Variants in HECTD3 observed in about 807,000 individuals in gnomAD.
HECTD3 encodes the protein HECT domain E3 ubiquitin protein ligase 3.
A neutral mutation model predicts 109.3 loss-of-function variants in HECTD3; 72 were observed. The ratio of observed to expected loss-of-function variants is 0.66; its 90% confidence interval spans 0.54 to 0.80. The LOEUF (loss-of-function observed/expected upper bound fraction) is 0.80, where lower values mean the gene tolerates loss of function less well. Among genes scored for constraint, HECTD3 ranks in the 30% least tolerant of loss-of-function variants. The pLI, the probability that HECTD3 is intolerant of heterozygous loss-of-function variation, is 0.00. For missense variants in HECTD3, 1,041 were observed against 1,165.2 expected, an observed-to-expected ratio of 0.89 and a Z score of 1.55; for synonymous variants, 481 against 471.8, an observed-to-expected ratio of 1.02 and a Z score of -0.25.
chr1:45,006,052 T>C lies in HECTD3; in HGVS notation c.1790A>G (p.Lys597Arg), dbSNP rs769822423. The C allele has an allele frequency of 6.2e-7, 1 of 1,614,178 alleles. No individual in the cohort carries two copies. The highest frequency in any genetic ancestry group is 1.1e-5 in the South Asian group (1 of 91,086). Residue 597 changes from lysine to arginine, a missense_variant, in exon 14 of 21, where the codon AAG (lysine) becomes AGG (arginine). Around this residue, in one of 2 missense-constraint regions of HECTD3, gnomAD observed 569 missense variants for 715.3 expected, o/e 0.80. Coordinates refer to ENST00000372172, the MANE Select transcript of HECTD3 (RefSeq NM_024602.6). This position sits in a 1 kb window ranked among gnomAD's most constrained non-coding sequence, Gnocchi z 4.7. ...VPNPSCRDFA[K>R]YEWIGQLMGA... ...CATCAGCTGTCCGATCCATTCATAC[T>C]TGGCAAAGTCTCGGCAGGAGGGGTT...
rs1267132479 is a variant in HECTD3, at chr1:45,002,560, T to C, written c.*932A>G. 6.6e-6 allele frequency: 1 copy of C among 152,236 alleles called. No individual in the cohort carries two copies. The highest frequency in any genetic ancestry group is 1.9e-4 in the East Asian group (1 of 5,202). The allele number at this position is 152,236 out of a possible 1,614,324, so 9.4% of individuals were successfully genotyped here. On this transcript the variant is annotated 3_prime_UTR_variant, in exon 21 of 21. Coordinates refer to ENST00000372172, the MANE Select transcript of HECTD3 (RefSeq NM_024602.6). The stretch of plus-strand genomic sequence containing the variant: ...CATTCTGAAGGAATGAATTCATCCA[T>C]TTATTCAACTTTCCGGTATGCAAGA...
Position 45,003,172 on chromosome 1 carries a change from T to C in HECTD3, c.*320A>G. The C allele has an allele frequency of 6.2e-6, 2 of 324,874 alleles. No individual in the cohort carries two copies. Among genetic ancestry groups the C allele is most frequent in the South Asian group, 5.4e-5 (1 of 18,438 alleles). The allele number at this position is 324,874 out of a possible 1,614,324, so 20.1% of individuals were successfully genotyped here. On this transcript the variant is annotated 3_prime_UTR_variant, in exon 21 of 21. Transcript: ENST00000372172. This position sits in a 1 kb window ranked among gnomAD's most constrained non-coding sequence, Gnocchi z 4.7. ...GAGCTGAAAATGGAGGCAAAGTCCA[T>C]GGGTTGGGGACCTAGATGGCCCCCT...
chr1:45,011,002 A>G lies in HECTD3; in HGVS notation c.256T>C (p.Ser86Pro). 1 of 1,459,992 alleles carries G rather than the reference A, an allele frequency of 6.8e-7. No homozygotes were observed. Among genetic ancestry groups the G allele is most frequent in the Non-Finnish European group, 8.9e-7 (1 of 1,118,250 alleles). The allele number at this position is 1,459,992 out of a possible 1,614,324, so 90.4% of individuals were successfully genotyped here. A position where few individuals can be genotyped will look rare whatever the true frequency, so the allele number is the denominator to read the frequency against. ...GAAGPAPGTG[S>P]GPLRAARDSI... The stretch of plus-strand genomic sequence containing the variant: ...TCGCGGGCGGCGCGGAGGGGCCCGG[A>G]GCCGGTACCGGGGGCTGGGCCTGCG... Residue 86 changes from serine to proline, a missense_variant, in exon 1 of 21, where the codon TCC becomes CCC. Physicochemically the swap from Ser to Pro is moderately conservative, Grantham distance 74 (BLOSUM62 -1). Coordinates refer to ENST00000372172, the MANE Select transcript of HECTD3 (RefSeq NM_024602.6).
Position 45,003,145 on chromosome 1 carries a change from C to A in HECTD3, c.*347G>T, listed in dbSNP as rs756702805. On this transcript the variant is annotated 3_prime_UTR_variant, in exon 21 of 21. Transcript: ENST00000372172. This position sits in a 1 kb window ranked among gnomAD's most constrained non-coding sequence, Gnocchi z 4.7. Reference sequence around the variant, plus strand: ...CAGAGAGAAAATAGGAGAAAAAAGGCGGAGCTGAAAATGGAGGCAAAGTCC... The same window carrying A: ...CAGAGAGAAAATAGGAGAAAAAAGGAGGAGCTGAAAATGGAGGCAAAGTCC... 2 of 251,774 alleles carry A rather than the reference C, an allele frequency of 7.9e-6. No homozygotes were observed. The highest frequency in any genetic ancestry group is 7.8e-5 in the East Asian group (1 of 12,762). The allele number at this position is 251,774 out of a possible 1,614,324, so 15.6% of individuals were successfully genotyped here. A position where few individuals can be genotyped will look rare whatever the true frequency, so the allele number is the denominator to read the frequency against.
Position 45,004,702 on chromosome 1 carries a change from C to T in HECTD3, c.2040G>A (p.Val680=), listed in dbSNP as rs1644720004. 2 of 1,614,132 alleles carry T rather than the reference C, an allele frequency of 1.2e-6. No individual in the cohort carries two copies. Among genetic ancestry groups the T allele is most frequent in the Non-Finnish European group, 1.7e-6 (2 of 1,180,048 alleles). Residue 680 remains valine (V), a synonymous_variant, in exon 16 of 21, where the codon GTG becomes GTA. Transcript: ENST00000372172. ...FTTVLSDQQV[V]ELIPGGAGIV... ...TGCCTGCACCCCCAGGGATCAGCTC[C>T]ACCACCTGTTGGTCACTCAGTACAG...
chr1:45,010,347 A>G lies in HECTD3; in HGVS notation c.531-54T>C. The G allele has an allele frequency of 3.9e-6, 6 of 1,546,362 alleles. No homozygotes were observed. In the South Asian group the frequency reaches 6.7e-5, roughly 17 times the overall value. On this transcript the variant is annotated intron_variant, in intron 2 of 20. Transcript: ENST00000372172. Reference sequence around the variant, plus strand: ...GGGAGACATCAGCGGTCAGCAAGACACTACCTCCATGCCGTGTAGCCTTCT... The same window carrying G: ...GGGAGACATCAGCGGTCAGCAAGACGCTACCTCCATGCCGTGTAGCCTTCT...
Position 45,003,815 on chromosome 1 carries a change from A to G in HECTD3, c.2429+40T>C. 1.2e-6 allele frequency: 2 copies of G among 1,612,438 alleles called. No individual in the cohort carries two copies. Among genetic ancestry groups the G allele is most frequent in the Non-Finnish European group, 1.7e-6 (2 of 1,178,638 alleles). ...TACGTGTGTGGGGAGGGAGGACAGAAGGCGGCCATGGCACCTTCAGGCCTC... is the reference window on the plus strand; with the variant it reads ...TACGTGTGTGGGGAGGGAGGACAGAGGGCGGCCATGGCACCTTCAGGCCTC... On this transcript the variant is annotated intron_variant, in intron 19 of 20. Coordinates refer to ENST00000372172, the MANE Select transcript of HECTD3 (RefSeq NM_024602.6). The surrounding 1 kb of genome is among the most constrained non-coding windows in gnomAD (Gnocchi z 4.7).
rs1644741094 is a variant in HECTD3 at position 45,006,967 on chromosome 1, T to C, written c.1605A>G (p.Glu535=). 1 of 1,614,006 alleles carries C rather than the reference T, an allele frequency of 6.2e-7. No homozygotes were observed. The highest frequency in any genetic ancestry group is 1.1e-5 in the South Asian group (1 of 91,082). The change falls in exon 12 of 21, where the codon GAA becomes GAG. Residue 535 remains glutamate, a synonymous_variant. Transcript: ENST00000372172. This position sits in a 1 kb window ranked among gnomAD's most constrained non-coding sequence, Gnocchi z 4.7. ...DQWWECKFIA[E]GIIDQGGGFR... ...GGGCCTCACCTTGGTCAATGATGCCTTCTGCAATAAATTTACACTCCCACC... is the reference window on the plus strand; with the variant it reads ...GGGCCTCACCTTGGTCAATGATGCCCTCTGCAATAAATTTACACTCCCACC...
chr1:45,010,461 C>A (rs1569949212), intron 2 of HECTD3, 85 bp downstream of exon 2: 2 of 1,562,738 alleles, frequency 1.3e-6, no homozygotes, highest in Middle Eastern at 1.8e-4. Context: ...CAGTATCCCA[C>A]CCACCCCAGG....
chr1:45,007,196 A>C (rs1166589929), intron 11 of HECTD3, 23 bp downstream of exon 11: 2 of 1,603,932 alleles, frequency 1.2e-6, no homozygotes, highest in African/African-American at 2.7e-5. Flanking sequence ...GTCCCGAGTA[A>C]GTCCCTCACT....
rs1196860029 is a variant in HECTD3 at position 45,006,002 on chromosome 1, A to G, written c.1840T>C (p.Phe614Leu). 2 of 1,613,820 alleles carry G rather than the reference A, an allele frequency of 1.2e-6. No individual in the cohort carries two copies. Among genetic ancestry groups the G allele is most frequent in the Non-Finnish European group, 1.7e-6 (2 of 1,179,888 alleles). The change falls in exon 14 of 21, where the codon TTC (phenylalanine) becomes CTC (leucine). Residue 614 changes from phenylalanine (F) to leucine (L), a missense_variant. Transcript: ENST00000372172. This position sits in a 1 kb window ranked among gnomAD's most constrained non-coding sequence, Gnocchi z 4.7. ...LMGAALRGKEFLVLALPGFVW... is the reference protein window; with the variant it reads ...LMGAALRGKELLVLALPGFVW... Reference sequence around the variant, plus strand: ...GTGTGGATAAGGCTACTCACCAGGAACTCCTTACCCCGAAGGGCAGCCCCC... The same window carrying G: ...GTGTGGATAAGGCTACTCACCAGGAGCTCCTTACCCCGAAGGGCAGCCCCC...
Position 45,003,721 on chromosome 1 carries a change from G to A in HECTD3, c.2449C>T (p.Leu817=). 6.2e-7 allele frequency: 1 copy of A among 1,614,104 alleles called. No homozygotes were observed. Among genetic ancestry groups the A allele is most frequent in the Non-Finnish European group, 8.5e-7 (1 of 1,180,010 alleles). Residue 817 remains leucine (L), a synonymous_variant, in exon 20 of 21, where the codon CTG becomes TTG. Coordinates refer to ENST00000372172, the MANE Select transcript of HECTD3 (RefSeq NM_024602.6). The surrounding 1 kb of genome is among the most constrained non-coding windows in gnomAD (Gnocchi z 4.7). ...DKLGYETTDA[L]PESSTCSSTL... Reference sequence around the variant, plus strand: ...CTGGAGCAAGTGGAAGACTCGGGCAGCGCGTCTGTGGTCTCGTAGCTGGGG... The same window carrying A: ...CTGGAGCAAGTGGAAGACTCGGGCAACGCGTCTGTGGTCTCGTAGCTGGGG...
At position 45,006,917 on chromosome 1, in the gene HECTD3, G is replaced by A. The variant is rs780794907; in HGVS notation, c.1621+34C>T. On this transcript the variant is annotated intron_variant, in intron 12 of 20. Coordinates refer to ENST00000372172, the MANE Select transcript of HECTD3 (RefSeq NM_024602.6). This position sits in a 1 kb window ranked among gnomAD's most constrained non-coding sequence, Gnocchi z 4.7. Reference sequence around the variant, plus strand: ...CTCTACCACTTTGATAGGGCAGCAAGCAGGACCCTTGAGATCCTCCCTCAG... The same window carrying A: ...CTCTACCACTTTGATAGGGCAGCAAACAGGACCCTTGAGATCCTCCCTCAG... The A allele has an allele frequency of 6.2e-7, 1 of 1,608,868 alleles. No homozygotes were observed. The highest frequency in any genetic ancestry group is 8.5e-7 in the Non-Finnish European group (1 of 1,175,266).
At chr1:45,008,194 G>T in intron 9 of HECTD3, 46 bp downstream of exon 9, 1 of 1,438,978 alleles carries the variant, frequency 6.9e-7, no homozygotes, top group Non-Finnish European at 9.8e-7. Context: ...AACTACGTGA[G>T]CAGGAAGGGG....
chr1:45,004,739 A>G lies in HECTD3; in HGVS notation c.2003T>C (p.Leu668Pro), dbSNP rs775660247. Residue 668 changes from leucine (L) to proline (P), a missense_variant, in exon 16 of 21, where the codon CTA becomes CCA. Physicochemically the swap from Leu to Pro is moderately conservative, Grantham distance 98. Transcript: ENST00000372172. ...ETFEFKFGKE[L>P]TFTTVLSDQQ... ...GTCACTCAGTACAGTGGTGAATGTT[A>G]GTTCCTTCCCAAACTTGAACTCAAA... 6.2e-7 allele frequency: 1 copy of G among 1,614,090 alleles called. No homozygotes were observed. The highest frequency in any genetic ancestry group is 2.2e-5 in the East Asian group (1 of 44,902).
At chr1:45,008,783 G>T in intron 7 of HECTD3, 82 bp from the exon 8 acceptor site, 1 of 1,360,624 alleles carries the variant, frequency 7.3e-7, no homozygotes, top group Non-Finnish European at 1.0e-6. Flanking sequence ...CTCCTTGAAC[G>T]CTCAGCCTTG....
In HECTD3 at chr1:45,003,558, C is replaced by T; in HGVS notation, c.2520G>A (p.Glu840=). ...PHYASAKVCE[E]KLRYAAYNCV... is the part of the protein sequence containing the mutation. ...AGTTGTAGGCCGCATAGCGGAGCTT[C>T]TCCTCGCATACCTTGGCACTGTGGG... is the stretch of plus-strand genomic sequence containing the variant. Residue 840 remains glutamate, a synonymous_variant, in exon 21 of 21, where the codon GAG becomes GAA. Transcript: ENST00000372172. The surrounding 1 kb of genome is among the most constrained non-coding windows in gnomAD (Gnocchi z 4.7). The T allele has an allele frequency of 1.2e-6, 2 of 1,614,224 alleles. No individual in the cohort carries two copies. The highest frequency in any genetic ancestry group is 1.7e-6 in the Non-Finnish European group (2 of 1,180,026).
Position 45,006,851 on chromosome 1 carries a change from G to A in HECTD3, c.1622-56C>T, listed in dbSNP as rs1410657223. ...TCAAGAGCCCAGCTCCCATAATGGG[G>A]TAATGAATAGGTCCCCCATCATCAT... On this transcript the variant is annotated intron_variant, in intron 12 of 20. Coordinates refer to ENST00000372172, the MANE Select transcript of HECTD3 (RefSeq NM_024602.6). This position sits in a 1 kb window ranked among gnomAD's most constrained non-coding sequence, Gnocchi z 4.7. 2 of 1,586,792 alleles carry A rather than the reference G, an allele frequency of 1.3e-6. No homozygotes were observed. Among genetic ancestry groups the A allele is most frequent in the East Asian group, 2.2e-5 (1 of 44,744 alleles).
chr1:45,008,449 T>C (rs1310536573), intron 8 of HECTD3, 87 bp downstream of exon 8: 2 of 1,521,144 alleles, frequency 1.3e-6, no homozygotes, highest in Non-Finnish European at 1.8e-6. Flanking sequence ...GCTTATACTA[T>C]GAGACCTTGG....
Sources: gnomAD v4.1 joint callset for allele counts on GRCh38, gnomAD v4.1.1 for gene constraint, gnomAD v4.1.1 regional missense constraint, Gnocchi (gnomAD v3.1) non-coding constraint, MANE v1.5 for transcripts, NCBI Gene and HGNC (gene_info 2026-07-23, HGNC 2026-07-21) for gene names.